AMZ1: variants seen among roughly 807,000 people sequenced by gnomAD.
AMZ1 encodes archaelysin family metallopeptidase 1.
AMZ1 carries 39 observed loss-of-function variants against 29.9 expected under a neutral mutation model. The observed-to-expected ratio is 1.30, with a 90% CI of 1.01 to 1.70. The LOEUF is 1.70. Ranked by LOEUF, AMZ1 falls within the 40% of genes most tolerant of loss-of-function variation. AMZ1 has a pLI of 0.00. For missense variants in AMZ1, 1,041 were observed against 680.6 expected (o/e 1.53, Z -5.89); for synonymous variants, 458 against 304.0 (o/e 1.51, Z -5.27).
chr7:2,707,107 T>C (rs1401557698), intron 3 of AMZ1, among the ~76,000 whole-genome samples: 2 of 152,130 alleles, frequency 1.3e-5, no homozygotes. Context: ...ATCTCCTTTC[T>C]ACTAAAAATA....
chr7:2,731,167 C>A lies in AMZ1; in HGVS notation n.550+21351C>A. The A allele has an allele frequency of 1.3e-6, 2 of 1,583,384 alleles. No individual in the cohort carries two copies. Among genetic ancestry groups the A allele is most frequent in the East Asian group, 2.2e-5 (1 of 44,654 alleles). On this transcript the variant is annotated intron_variant and non_coding_transcript_variant, in intron 4 of 4. Coordinates refer to the AMZ1 transcript ENST00000489665. The surrounding 1 kb of genome is among the most constrained non-coding windows in gnomAD (Gnocchi z 6.0). ...GGGGCTGCTCAACGACGACAAACCC[C>A]GGGGCTTCCTCGCTCACTGCAGCAT...
rs527871536 is a variant in AMZ1, at chr7:2,715,075, T to C, written c.*2197T>C. The C allele has an allele frequency of 6.6e-6, 1 of 152,274 alleles. No homozygotes were observed. Among genetic ancestry groups the C allele is most frequent in the Non-Finnish European group, 1.5e-5 (1 of 68,036 alleles). The allele number at this position is 152,274 out of a possible 1,614,324, so 9.4% of individuals were successfully genotyped here. A position where few individuals can be genotyped will look rare whatever the true frequency, so the allele number is the denominator to read the frequency against. On this transcript the variant is annotated 3_prime_UTR_variant, in exon 7 of 7. Coordinates refer to ENST00000683327, the MANE Select transcript of AMZ1 (RefSeq NM_001384743.1). ...AGAGGGTCACTTTCAGAAAGGGACC[T>C]GGGCTTCCTCACAATATGGCGGTTG...
At chr7:2,689,634 G>A (rs562899754) in intron 1 of AMZ1, among the ~76,000 whole-genome samples, 1 of 152,308 alleles carries the variant, frequency 6.6e-6, no homozygotes, top group Admixed American at 6.5e-5. Flanking sequence ...GTCACTTAAC[G>A]TCTGAGCCTC....
intron 4 of AMZ1, among the ~76,000 whole-genome samples, chr7:2,746,569 A>G (rs914516651): frequency 4.6e-5 from 7 of 152,220 alleles, no homozygotes; most frequent in Admixed American, 3.9e-4. Context: ...GAAAGCAGGA[A>G]AAATCTAAAA....
intron 1 of AMZ1, among the ~76,000 whole-genome samples, chr7:2,699,279 C>G (rs1226819868): frequency 6.6e-6 from 1 of 152,218 alleles, no homozygotes; most frequent in Non-Finnish European, 1.5e-5. Context: ...GGTTGCCTAG[C>G]TGCTGCTGCT....
At chr7:2,725,273 T>C (rs770611923) in intron 4 of AMZ1, among the ~76,000 whole-genome samples, 15 of 152,246 alleles carry the variant, frequency 9.9e-5, no homozygotes, top group South Asian at 6.2e-4. Context: ...TGGCCTGCGG[T>C]AGGCAGAACC....
At chr7:2,688,349 C>A (rs954391306) in intron 1 of AMZ1, 53 bp downstream of exon 1, 11 of 149,002 alleles carry the variant, frequency 7.4e-5, no homozygotes, top group Admixed American at 7.3e-4. Flanking sequence ...GAGGGACCTC[C>A]GTGCCGGGGC....
intron 4 of AMZ1, among the ~76,000 whole-genome samples, chr7:2,726,701 C>T (rs1437317539): frequency 6.6e-6 from 1 of 152,256 alleles, no homozygotes; most frequent in Admixed American, 6.5e-5. Context: ...GGCATCCCCA[C>T]TCCTCTTTCC....
At chr7:2,682,711 C>G (rs996696551) in intron 1 of AMZ1, among the ~76,000 whole-genome samples, 1 of 152,128 alleles carries the variant, frequency 6.6e-6, no homozygotes, top group Admixed American at 6.5e-5. Context: ...TGCTTGTGTT[C>G]CGAGCCCCTT....
At chr7:2,720,188 T>C (rs934421095), downstream of AMZ1, among the ~76,000 whole-genome samples, 8 of 152,354 alleles carry the variant, frequency 5.3e-5, no homozygotes, top group South Asian at 8.3e-4. Flanking sequence ...TCGGCTCCTC[T>C]GCTGACATGG....
upstream of AMZ1, chr7:2,762,989 T>G: frequency 1.5e-6 from 2 of 1,317,356 alleles, no homozygotes; most frequent in Non-Finnish European, 1.9e-6. Flanking sequence ...AGCCCTTGTG[T>G]GCTACTGTGG....
Position 2,712,931 on chromosome 7 carries a change from TC to T in AMZ1, c.*55del. On this transcript the variant is annotated 3_prime_UTR_variant, in exon 7 of 7. Coordinates refer to ENST00000683327, the MANE Select transcript of AMZ1 (RefSeq NM_001384743.1). ...TCCCTAAGGATGCTGGCCAGCACTG[TC>T]CAGTAGCTGAGGCCACTACTGACCT... is the stretch of plus-strand genomic sequence containing the variant. 6.8e-7 allele frequency: 1 copy of T among 1,479,676 alleles called. No individual in the cohort carries two copies. The highest frequency in any genetic ancestry group is 9.0e-7 in the Non-Finnish European group (1 of 1,114,004). 91.7% of individuals were successfully genotyped at this position (1,479,676 alleles called of 1,614,324 possible). A position where few individuals can be genotyped will look rare whatever the true frequency, so the allele number is the denominator to read the frequency against.
At chr7:2,736,041 G>A (rs1047039515) in intron 4 of AMZ1, among the ~76,000 whole-genome samples, 32 of 152,296 alleles carry the variant, frequency 2.1e-4, no homozygotes, top group Middle Eastern at 6.8e-3. Flanking sequence ...CGCAGCCCAC[G>A]GGACGATCGT....
At chr7:2,695,870 C>G (rs889014236) in intron 1 of AMZ1, among the ~76,000 whole-genome samples, 2 of 151,756 alleles carry the variant, frequency 1.3e-5, no homozygotes, top group African/African-American at 4.8e-5. Flanking sequence ...ATTAGCCGGG[C>G]GTGGTGGCGG....
chr7:2,715,667 T>C lies in AMZ1; in HGVS notation c.*2789T>C, dbSNP rs890112586. The C allele has an allele frequency of 8.7e-5, 13 of 150,270 alleles. No individual in the cohort carries two copies. The highest frequency in any genetic ancestry group is 3.2e-4 in the African/African-American group (13 of 40,772). 9.3% of individuals were successfully genotyped at this position (150,270 alleles called of 1,614,324 possible). On this transcript the variant is annotated 3_prime_UTR_variant, in exon 7 of 7. Coordinates refer to ENST00000683327, the MANE Select transcript of AMZ1 (RefSeq NM_001384743.1). ...AGCTGTTAGAAGGACTGTTTTGAAA[T>C]GCAACTTTGAGGAAGAGAAATTGGT...
intron 1 of AMZ1, 109 bp from the exon 2 acceptor site, chr7:2,700,125 C>T: frequency 2.8e-6 from 1 of 359,350 alleles, no homozygotes; most frequent in Non-Finnish European, 5.2e-6. Flanking sequence ...CACCCTCGTC[C>T]TCTGCAGAGC....
intron 4 of AMZ1, among the ~76,000 whole-genome samples, chr7:2,759,041 G>A (rs1240877824): frequency 1.3e-5 from 2 of 151,976 alleles, no homozygotes; most frequent in African/African-American, 4.8e-5. Context: ...TGGGGAGGCT[G>A]AGGCAGGAGA....
upstream of AMZ1, among the ~76,000 whole-genome samples, chr7:2,687,831 C>G (rs1440023897): frequency 6.6e-6 from 1 of 151,344 alleles, no homozygotes; most frequent in African/African-American, 2.4e-5. Flanking sequence ...GCCTGGTTCC[C>G]CTTCCTCACC....
At chr7:2,723,370 G>A (rs116816714), downstream of AMZ1, among the ~76,000 whole-genome samples, 8 of 152,248 alleles carry the variant, frequency 5.3e-5, no homozygotes, top group Non-Finnish European at 7.3e-5. Flanking sequence ...AACTTCATTC[G>A]TGTGATTTCC....
Sources: gnomAD v4.1 joint callset for allele counts (sites outside exome capture counted in the v4.1 genomes callset) on GRCh38, gnomAD v4.1.1 for gene constraint, Gnocchi (gnomAD v3.1) non-coding constraint, MANE v1.5 for transcripts, NCBI Gene and HGNC (gene_info 2026-07-23, HGNC 2026-07-21) for gene names.